Variants in MATN2 observed in about 807,000 individuals in gnomAD.
MATN2 encodes matrilin-2.
MATN2 carries 69 observed loss-of-function variants against 103.2 expected under a neutral mutation model. The ratio of observed to expected loss-of-function variants is 0.67; its 90% CI spans 0.55 to 0.82. The LOEUF is 0.82. MATN2 is among the 40% of genes least tolerant of loss of function. The pLI is 0.00. For synonymous variants in MATN2, 429 were observed against 450.2 expected (o/e 0.95, Z 0.60); for missense variants, 1,023 against 1,211.5 (o/e 0.84, Z 2.31).
rs1434571351 is a variant in MATN2, at chr8:97,982,363, A to G, written c.1081+3355A>G. Among the ~76,000 whole-genome samples the G allele has an allele frequency of 1.3e-5, 2 of 152,206 alleles. No homozygotes were observed. The highest frequency in any genetic ancestry group is 4.8e-5 in the African/African-American group (2 of 41,452). Reference sequence around the variant, plus strand: ...CCGAAGCAGCCACCCTGTTTTAGTGAGTACCAAGGCCTCCCACCAGCTTCC... The same window carrying G: ...CCGAAGCAGCCACCCTGTTTTAGTGGGTACCAAGGCCTCCCACCAGCTTCC... On this transcript the variant is annotated intron_variant, in intron 6 of 18. Coordinates refer to ENST00000254898, the MANE Select transcript of MATN2 (RefSeq NM_002380.5). This position sits in a 1 kb window ranked among gnomAD's most constrained non-coding sequence, Gnocchi z 4.3.
chr8:98,014,879 CTTTA>C (rs1464565343), intron 10 of MATN2, among the ~76,000 whole-genome samples: 1 of 152,136 alleles, frequency 6.6e-6, no homozygotes, highest in African/African-American at 2.4e-5. Context: ...GCTTTGGGGC[CTTTA>C]TTTAATAATT....
chr8:97,991,604 TC>T (rs1469658622), intron 6 of MATN2, among the ~76,000 whole-genome samples: 1 of 151,812 alleles, frequency 6.6e-6, no homozygotes, highest in Non-Finnish European at 1.5e-5. Context: ...TGCCTATAGT[TC>T]CAGCTACTCG....
intron 2 of MATN2, among the ~76,000 whole-genome samples, chr8:97,896,724 AAC>A (rs1309810595): frequency 1.3e-5 from 2 of 150,662 alleles, no homozygotes; most frequent in African/African-American, 4.9e-5. Context: ...GGGATCAGGT[AAC>A]ACAGCAAGGC....
chr8:97,934,861 A>G (rs551722891), intron 3 of MATN2, among the ~76,000 whole-genome samples: 85 of 152,304 alleles, frequency 5.6e-4, no homozygotes, highest in Admixed American at 3.6e-3. Context: ...TTAACCTTTT[A>G]TCTGTAGCTA....
At chr8:97,923,550 T>C (rs1809883185) in intron 2 of MATN2, among the ~76,000 whole-genome samples, 1 of 131,134 alleles carries the variant, frequency 7.6e-6, no homozygotes, top group Non-Finnish European at 1.6e-5. Flanking sequence ...TCTCTCTCTC[T>C]CTCTCTCTGT....
At chr8:97,944,903 G>T (rs1810694746) in intron 4 of MATN2, among the ~76,000 whole-genome samples, 1 of 152,196 alleles carries the variant, frequency 6.6e-6, no homozygotes, top group South Asian at 2.1e-4. Context: ...AGCCATGTGG[G>T]TGACACCTCC....
At chr8:98,001,738 A>G (rs1049127714) in intron 7 of MATN2, among the ~76,000 whole-genome samples, 6 of 151,422 alleles carry the variant, frequency 4.0e-5, no homozygotes, top group African/African-American at 1.2e-4. Context: ...TTGGCCTTCC[A>G]AAGTGCTGGG....
intron 10 of MATN2, among the ~76,000 whole-genome samples, chr8:98,012,666 A>G (rs1813212629): frequency 6.6e-6 from 1 of 152,144 alleles, no homozygotes; most frequent in Non-Finnish European, 1.5e-5. Flanking sequence ...TCTCTTGAGA[A>G]AATGATTTTT....
At chr8:98,003,344 C>T (rs1812848478) in intron 7 of MATN2, among the ~76,000 whole-genome samples, 1 of 152,056 alleles carries the variant, frequency 6.6e-6, no homozygotes, top group Non-Finnish European at 1.5e-5. Context: ...TTGGAAGACC[C>T]TCTCACCCCA....
intron 7 of MATN2, among the ~76,000 whole-genome samples, chr8:98,002,159 T>C (rs931014562): frequency 2.0e-5 from 3 of 152,226 alleles, no homozygotes; most frequent in Non-Finnish European, 4.4e-5. Flanking sequence ...TGGGGTCTTA[T>C]GGCTTTAGCA....
intron 2 of MATN2, among the ~76,000 whole-genome samples, chr8:97,928,218 CTTTTTTTT>C (rs34226792): frequency 3.4e-5 from 3 of 89,300 alleles, no homozygotes; most frequent in Admixed American, 1.4e-4. Context: ...GCACTCCTGC[CTTTTTTTT>C]TTTTTTTTTT....
At chr8:97,907,021 G>C (rs1332365617) in intron 2 of MATN2, among the ~76,000 whole-genome samples, 1 of 121,522 alleles carries the variant, frequency 8.2e-6, no homozygotes, top group Non-Finnish European at 1.6e-5. Flanking sequence ...TTTTTTTTGA[G>C]ACAGAGTCTT....
chr8:97,933,858 T>G (rs1586062312), intron 3 of MATN2, among the ~76,000 whole-genome samples: 1 of 152,148 alleles, frequency 6.6e-6, no homozygotes, highest in South Asian at 2.1e-4. Context: ...CAGGGCCTCT[T>G]TATCAACTTC....
At chr8:97,994,718 A>T in intron 7 of MATN2, 116 bp downstream of exon 7, 1 of 1,125,212 alleles carries the variant, frequency 8.9e-7, no homozygotes, top group Non-Finnish European at 1.2e-6. Context: ...TGTGTCTATT[A>T]ACATTATTCT....
chr8:97,895,997 C>A (rs977576379), intron 2 of MATN2, among the ~76,000 whole-genome samples: 5 of 152,176 alleles, frequency 3.3e-5, no homozygotes, highest in African/African-American at 1.2e-4. Flanking sequence ...CTATTTTAGC[C>A]CCTGCTTGCT....
At chr8:97,940,086 T>C (rs990549099) in intron 3 of MATN2, among the ~76,000 whole-genome samples, 1 of 152,184 alleles carries the variant, frequency 6.6e-6, no homozygotes, top group Non-Finnish European at 1.5e-5. Flanking sequence ...TTTAACCTTT[T>C]TGAGGTTCTT....
chr8:97,950,339 G>A (rs966980070), intron 4 of MATN2, among the ~76,000 whole-genome samples: 2 of 152,196 alleles, frequency 1.3e-5, no homozygotes, highest in Non-Finnish European at 2.9e-5. Context: ...AGTTCCAACA[G>A]TGTCCTTTGT....
intron 13 of MATN2, among the ~76,000 whole-genome samples, chr8:98,026,451 T>G (rs1219229789): frequency 6.6e-6 from 1 of 151,996 alleles, no homozygotes; most frequent in Non-Finnish European, 1.5e-5. Flanking sequence ...AGAAAGACAG[T>G]CACTCTGTTA....
At chr8:97,879,237 C>T (rs1818174519) in intron 1 of MATN2, among the ~76,000 whole-genome samples, 2 of 152,070 alleles carry the variant, frequency 1.3e-5, no homozygotes, top group South Asian at 4.2e-4. Context: ...AATGCAATTT[C>T]GATGAATGTA....
Sources: gnomAD v4.1 joint callset for allele counts (sites outside exome capture counted in the v4.1 genomes callset) on GRCh38, gnomAD v4.1.1 for gene constraint, Gnocchi (gnomAD v3.1) non-coding constraint, MANE v1.5 for transcripts, NCBI Gene and HGNC (gene_info 2026-07-23, HGNC 2026-07-21) for gene names.